The following CECR2 variants were observed in gnomAD, a reference collection of about 807,000 sequenced individuals.
CECR2 encodes the protein CECR2 histone acetyl-lysine reader, also known as chromatin remodeling regulator CECR2.
In CECR2, 30 loss-of-function variants were observed where a neutral mutation model predicts 154.5. That is an observed-to-expected ratio of 0.19 (90% confidence interval 0.15 to 0.26). CECR2 has a LOEUF of 0.26. Ranked by LOEUF, CECR2 falls within the 10% of genes least tolerant of loss-of-function variation. The probability of loss-of-function intolerance (pLI) is 1.00; values close to 1 mark genes in which losing one functional copy is unlikely to be tolerated. For missense variants in CECR2, 1,743 were observed against 1,829.3 expected, an observed-to-expected ratio of 0.95 and a Z score of 0.86; for synonymous variants, 725 against 683.7, an observed-to-expected ratio of 1.06 and a Z score of -0.94.
chr22:17,491,500 T>G (rs1019868380), intron 2 of CECR2, among the ~76,000 whole-genome samples: 2 of 151,218 alleles, frequency 1.3e-5, no homozygotes, highest in Non-Finnish European at 3.0e-5. Flanking sequence ...GGTCCTTTAA[T>G]GCTTTCTTTT....
At chr22:17,436,838 T>G (rs1304288816) in intron 1 of CECR2, among the ~76,000 whole-genome samples, 1 of 152,242 alleles carries the variant, frequency 6.6e-6, no homozygotes, top group East Asian at 1.9e-4. Context: ...GAGCTAAGCC[T>G]TGGGCTCTTG....
rs549734925 is a variant in CECR2 at position 17,553,734 on chromosome 22, C to G, written c.*894C>G. 2.0e-5 allele frequency: 3 copies of G among 152,266 alleles called. No homozygotes were observed. The South Asian group carries it at 6.2e-4, about 32-fold the overall frequency. The allele number at this position is 152,266 out of a possible 1,614,324, so 9.4% of individuals were successfully genotyped here. A position where few individuals can be genotyped will look rare whatever the true frequency, so the allele number is the denominator to read the frequency against. On this transcript the variant is annotated 3_prime_UTR_variant, in exon 19 of 19. Coordinates refer to ENST00000262608, the MANE Select transcript of CECR2 (RefSeq NM_001290047.2). ...TTCCTGATTTTGCCACCAGCCCTAC[C>G]GAATAGTTGTAAACCAGTATCAGGA...
chr22:17,366,166 G>C (rs149034685), upstream of CECR2, among the ~76,000 whole-genome samples: 21 of 152,088 alleles, frequency 1.4e-4, no homozygotes, highest in African/African-American at 4.8e-4. Flanking sequence ...AATGAGAAGG[G>C]GAAAGAAAAT....
intron 1 of CECR2, among the ~76,000 whole-genome samples, chr22:17,399,530 G>A (rs2053861201): frequency 6.6e-6 from 1 of 150,482 alleles, no homozygotes; most frequent in African/African-American, 2.4e-5. Flanking sequence ...CGATTCTCCT[G>A]CCTCAGCCTC....
At chr22:17,541,797 C>G in intron 14 of CECR2, 42 bp from the exon 15 acceptor site, 1 of 1,574,344 alleles carries the variant, frequency 6.4e-7, no homozygotes, top group East Asian at 2.3e-5. Flanking sequence ...AAAGTCTGTG[C>G]CTTTCCTTTT....
chr22:17,548,834 A>C lies in CECR2; in HGVS notation c.3547A>C (p.Arg1183=). 1.2e-6 allele frequency: 2 copies of C among 1,613,658 alleles called. No individual in the cohort carries two copies. The highest frequency in any genetic ancestry group is 1.7e-6 in the Non-Finnish European group (2 of 1,179,776). The part of the protein sequence containing the change: ...FPRYRPPQGM[R]YSYHPPPQPS... ...CCGGTATCGCCCCCCACAAGGAATG[A>C]GGTATTCCTACCACCCACCGCCACA... The change falls in exon 17 of 19, where the codon AGG becomes CGG. Residue 1183 remains arginine (R), a synonymous_variant. Transcript: ENST00000262608.
chr22:17,430,604 A>G (rs2146634424), intron 1 of CECR2, among the ~76,000 whole-genome samples: 1 of 152,276 alleles, frequency 6.6e-6, no homozygotes, highest in East Asian at 1.9e-4. Context: ...GCCCTGTCAG[A>G]TTGTAGTGCT....
At chr22:17,382,961 C>T (rs1388100027) in intron 1 of CECR2, among the ~76,000 whole-genome samples, 1 of 152,136 alleles carries the variant, frequency 6.6e-6, no homozygotes, top group Non-Finnish European at 1.5e-5. Context: ...GGCGCGGTGG[C>T]TCACGCCTGT....
At chr22:17,380,521 C>T (rs1175714949) in intron 1 of CECR2, among the ~76,000 whole-genome samples, 4 of 152,064 alleles carry the variant, frequency 2.6e-5, no homozygotes, top group Admixed American at 2.6e-4. Flanking sequence ...TCTACTTTTT[C>T]CCTAGGGTGG....
rs759991743 is a variant in CECR2, at chr22:17,476,177, G to A, written c.127-1411G>A. ...CACTCGGTCACAATTACCATCTCACGAAATCTCCCAGGCTTCCACAGCAGA... is the reference window on the plus strand; with the variant it reads ...CACTCGGTCACAATTACCATCTCACAAAATCTCCCAGGCTTCCACAGCAGA... On this transcript the variant is annotated intron_variant, in intron 1 of 18. Coordinates refer to ENST00000262608, the MANE Select transcript of CECR2 (RefSeq NM_001290047.2). Among the ~76,000 whole-genome samples the A allele has an allele frequency of 9.0e-4, 135 of 149,640 alleles. 1 individual carries two copies. Among genetic ancestry groups the A allele is most frequent in the Non-Finnish European group, 1.7e-3 (112 of 67,690 alleles).
At chr22:17,513,637 C>G (rs1384468744) in intron 8 of CECR2, among the ~76,000 whole-genome samples, 1 of 152,166 alleles carries the variant, frequency 6.6e-6, no homozygotes, top group Admixed American at 6.6e-5. Flanking sequence ...TCTCCAGTAT[C>G]CTCTTCCTCC....
chr22:17,421,861 A>G (rs1049654418), intron 1 of CECR2, among the ~76,000 whole-genome samples: 1 of 140,912 alleles, frequency 7.1e-6, no homozygotes, highest in Non-Finnish European at 1.5e-5. Flanking sequence ...AAAAAAAAAA[A>G]CAAAAAAAAC....
At chr22:17,470,401 A>AG (rs1180202506) in intron 1 of CECR2, among the ~76,000 whole-genome samples, 10 of 151,574 alleles carry the variant, frequency 6.6e-5, no homozygotes, top group African/African-American at 2.4e-4. Context: ...TCAAAAAAAA[A>AG]AAAAAAAGAA....
intron 1 of CECR2, among the ~76,000 whole-genome samples, chr22:17,404,460 G>A (rs574191190): frequency 2.8e-5 from 3 of 107,678 alleles, no homozygotes; most frequent in African/African-American, 8.2e-5. Context: ...TGCAAGCTCC[G>A]CCTCTCGGGT....
intron 6 of CECR2, 48 bp downstream of exon 6, chr22:17,503,179 A>G (rs755634473): frequency 2.0e-6 from 3 of 1,538,310 alleles, no homozygotes; most frequent in East Asian, 4.6e-5. Flanking sequence ...AATATGATTC[A>G]TTTATGCTAG....
intron 1 of CECR2, among the ~76,000 whole-genome samples, chr22:17,462,931 T>C (rs934703375): frequency 4.6e-5 from 7 of 152,136 alleles, no homozygotes; most frequent in African/African-American, 1.4e-4. Context: ...TATTAAATAC[T>C]CACTGTGGGC....
chr22:17,365,270 G>A (rs1325603823), upstream of CECR2, among the ~76,000 whole-genome samples: 2 of 152,090 alleles, frequency 1.3e-5, no homozygotes, highest in Non-Finnish European at 2.9e-5. Context: ...CCTGGTTAAC[G>A]ACGGTTATGA....
intron 7 of CECR2, among the ~76,000 whole-genome samples, chr22:17,505,998 C>CCACACCCA (rs1412296257): frequency 6.6e-6 from 1 of 151,986 alleles, no homozygotes; most frequent in Non-Finnish European, 1.5e-5. Flanking sequence ...GCTCGTGCCA[C>CCACACCCA]CACACCCAGC....
At chr22:17,480,423 C>T (rs1255417612) in intron 2 of CECR2, among the ~76,000 whole-genome samples, 1 of 87,478 alleles carries the variant, frequency 1.1e-5, no homozygotes, top group African/African-American at 4.9e-5. Flanking sequence ...GTATAATACA[C>T]ACACACACAC....
Sources: gnomAD v4.1 joint callset for allele counts (sites outside exome capture counted in the v4.1 genomes callset) on GRCh38, gnomAD v4.1.1 for gene constraint, MANE v1.5 for transcripts, NCBI Gene and HGNC (gene_info 2026-07-23, HGNC 2026-07-21) for gene names.